Variants in DPY19L2 observed in about 807,000 individuals in gnomAD.
The protein encoded by DPY19L2 is dpy-19 like 2.
A neutral mutation model predicts 97.9 loss-of-function variants in DPY19L2; 34 were observed. The observed-to-expected ratio is 0.35, with a 90% confidence interval of 0.26 to 0.46. DPY19L2 has a LOEUF of 0.46. Ranked by LOEUF, DPY19L2 falls within the 20% of genes least tolerant of loss-of-function variation. The probability of loss-of-function intolerance (pLI) is 1.00; values close to 1 mark genes in which losing one functional copy is unlikely to be tolerated. For synonymous variants in DPY19L2, 230 were observed against 307.9 expected (o/e 0.75, Z 2.65); for missense variants, 623 against 911.4 (o/e 0.68, Z 4.07).
intron 12 of DPY19L2, among the ~76,000 whole-genome samples, chr12:63,605,084 T>C (rs571815058): frequency 8.9e-4 from 136 of 152,272 alleles, no homozygotes; most frequent in Non-Finnish European, 1.8e-3. Context: ...GTGCTAGTGC[T>C]ATTCTGGTCA....
chr12:63,622,188 A>G (rs7315015), intron 8 of DPY19L2, among the ~76,000 whole-genome samples: 1,881 of 152,280 alleles, frequency 0.012, 46 homozygotes, highest in African/African-American at 0.043. Context: ...CATGCCCTCA[A>G]TGATACAACC....
intron 12 of DPY19L2, among the ~76,000 whole-genome samples, chr12:63,608,031 A>G (rs1376896509): frequency 6.6e-6 from 1 of 152,190 alleles, no homozygotes; most frequent in South Asian, 2.1e-4. Flanking sequence ...CCTGCCTAAT[A>G]ACTTATTTTA....
At chr12:63,568,244 A>G (rs1353429765) in intron 21 of DPY19L2, among the ~76,000 whole-genome samples, 1 of 151,930 alleles carries the variant, frequency 6.6e-6, no homozygotes, top group African/African-American at 2.4e-5. Flanking sequence ...TTCTGTTCAA[A>G]TGTTCTGTTT....
rs1203017583 is a variant in DPY19L2 at position 63,626,660 on chromosome 12, C to G, written c.804-134G>C. The G allele has an allele frequency of 2.5e-6, 3 of 1,179,526 alleles. No homozygotes were observed. In the East Asian group the frequency reaches 8.0e-5, roughly 31 times the overall value. 73.1% of individuals were successfully genotyped at this position (1,179,526 alleles called of 1,614,324 possible). A position where few individuals can be genotyped will look rare whatever the true frequency, so the allele number is the denominator to read the frequency against. On this transcript the variant is annotated intron_variant, in intron 6 of 21. Transcript: ENST00000324472. Reference sequence around the variant, plus strand: ...TAAAACATCATAGTACTAAACCATACCCATGTGGTTGAAGTTTAAATCCTG... The same window carrying G: ...TAAAACATCATAGTACTAAACCATAGCCATGTGGTTGAAGTTTAAATCCTG...
At chr12:63,661,897 CT>C (rs888224274) in intron 3 of DPY19L2, among the ~76,000 whole-genome samples, 3 of 152,198 alleles carry the variant, frequency 2.0e-5, no homozygotes, top group Non-Finnish European at 2.9e-5. Flanking sequence ...TAGAAAATTA[CT>C]TTTTTTCCCA....
Position 63,659,388 on chromosome 12 carries a change from G to A in DPY19L2, c.588+1956C>T, listed in dbSNP as rs535631740. 3.0e-4 allele frequency among the ~76,000 whole-genome samples: 45 copies of A among 151,760 alleles called. 1 individual carries two copies. Among genetic ancestry groups the A allele is most frequent in the South Asian group, 4.2e-4 (2 of 4,810 alleles). ...CAAAATGGAGATCTATACCATGATC[G>A]TGGATTGGAAAATTCAATATTGTTA... On this transcript the variant is annotated intron_variant, in intron 4 of 21. Transcript: ENST00000324472.
intron 8 of DPY19L2, among the ~76,000 whole-genome samples, chr12:63,623,386 CTT>C (rs1205176913): frequency 6.6e-6 from 1 of 152,124 alleles, no homozygotes; most frequent in African/African-American, 2.4e-5. Context: ...ACACAGAACA[CTT>C]TTTTCATGGC....
At chr12:63,627,336 T>C (rs1889730640) in intron 6 of DPY19L2, among the ~76,000 whole-genome samples, 1 of 152,058 alleles carries the variant, frequency 6.6e-6, no homozygotes, top group South Asian at 2.1e-4. Context: ...TCTTTTGTTG[T>C]TGTTATTGTT....
chr12:63,579,626 T>C (rs1477656250), intron 19 of DPY19L2, among the ~76,000 whole-genome samples: 1 of 152,078 alleles, frequency 6.6e-6, no homozygotes, highest in African/African-American at 2.4e-5. Context: ...TTTAAAAGCT[T>C]GGGAAAAATA....
chr12:63,602,797 A>T (rs1353417548), intron 12 of DPY19L2, among the ~76,000 whole-genome samples: 2 of 152,176 alleles, frequency 1.3e-5, no homozygotes, highest in African/African-American at 4.8e-5. Flanking sequence ...TATCTAGCCA[A>T]TCTGTCATTC....
intron 19 of DPY19L2, among the ~76,000 whole-genome samples, chr12:63,576,826 T>C (rs1879930356): frequency 6.6e-6 from 1 of 152,006 alleles, no homozygotes; most frequent in South Asian, 2.1e-4. Context: ...GTTCAAGCAT[T>C]GGAAGAATCA....
intron 6 of DPY19L2, among the ~76,000 whole-genome samples, chr12:63,629,926 A>G (rs1233629796): frequency 6.6e-6 from 1 of 152,190 alleles, no homozygotes; most frequent in Admixed American, 6.5e-5. Context: ...ATTCTTAAAG[A>G]AAAGAATTTT....
chr12:63,648,316 A>T (rs1364880974), intron 4 of DPY19L2, among the ~76,000 whole-genome samples: 1 of 152,080 alleles, frequency 6.6e-6, no homozygotes, highest in African/African-American at 2.4e-5. Flanking sequence ...CACAAAACAG[A>T]CTAAGACAAA....
At chr12:63,621,446 C>T (rs1888675950) in intron 8 of DPY19L2, 109 bp from the exon 9 acceptor site, 1 of 704,940 alleles carries the variant, frequency 1.4e-6, no homozygotes, top group African/African-American at 1.8e-5. Flanking sequence ...ATTACCTTTA[C>T]TATAATACAA....
intron 20 of DPY19L2, 99 bp downstream of exon 20, chr12:63,570,656 TGTG>T (rs1878640916): frequency 1.2e-6 from 1 of 858,318 alleles, no homozygotes; most frequent in African/African-American, 2.6e-5. Flanking sequence ...TTTGTGTGTG[TGTG>T]TGTGTGTGTG....
intron 3 of DPY19L2, among the ~76,000 whole-genome samples, chr12:63,661,795 T>C (rs1895711221): frequency 6.6e-6 from 1 of 152,152 alleles, no homozygotes; most frequent in Non-Finnish European, 1.5e-5. Context: ...AAATCTGGTT[T>C]TATCCCCCAC....
chr12:63,646,515 T>G (rs1893431272), intron 5 of DPY19L2, among the ~76,000 whole-genome samples: 1 of 152,126 alleles, frequency 6.6e-6, no homozygotes, highest in South Asian at 2.1e-4. Context: ...GTCTAAAAAT[T>G]TATTCATAAA....
chr12:63,599,028 C>G (rs1265710034), intron 13 of DPY19L2, among the ~76,000 whole-genome samples: 1 of 151,732 alleles, frequency 6.6e-6, no homozygotes, highest in East Asian at 1.9e-4. Flanking sequence ...CAAAAATTAG[C>G]CAGGTGTGGT....
chr12:63,594,938 C>A (rs968896450), intron 15 of DPY19L2, among the ~76,000 whole-genome samples: 1 of 152,114 alleles, frequency 6.6e-6, no homozygotes, highest in African/African-American at 2.4e-5. Context: ...TCTAAGCCAG[C>A]ATGGGCCGAA....
Sources: allele counts gnomAD v4.1 joint callset (sites outside exome capture counted in the v4.1 genomes callset), GRCh38; gene constraint gnomAD v4.1.1; transcripts MANE v1.5; gene names NCBI Gene and HGNC (gene_info 2026-07-23, HGNC 2026-07-21).